The following MYO16 variants were observed in gnomAD, a reference collection of about 807,000 sequenced individuals.
The protein encoded by MYO16 is myosin XVI, also known as unconventional myosin-XVI.
MYO16 carries 94 observed loss-of-function variants against 205.3 expected under a neutral mutation model. The observed-to-expected ratio is 0.46, with a 90% CI of 0.39 to 0.54. The LOEUF is 0.54. Ranked by LOEUF, MYO16 falls within the 20% of genes least tolerant of loss-of-function variation. The pLI is 0.00. For synonymous variants in MYO16, 988 were observed against 954.0 expected (o/e 1.04, Z -0.66); for missense variants, 2,315 against 2,387.5 (o/e 0.97, Z 0.63).
chr13:108,508,708 G>C, the MYO16 span, among the ~76,000 whole-genome samples: 1 of 152,152 alleles, frequency 6.6e-6, no homozygotes, highest in Admixed American at 6.6e-5. Context: ...GGTAGAGGGA[G>C]GGACGGTAGA....
the MYO16 span, among the ~76,000 whole-genome samples, chr13:108,517,374 A>G: frequency 2.0e-5 from 3 of 152,204 alleles, no homozygotes; most frequent in East Asian, 5.8e-4. Flanking sequence ...TGGTTCTAAA[A>G]ATCCTGACAG....
Position 108,844,452 on chromosome 13 carries a change from C to A in MYO16, c.1207C>A (p.Pro403Thr). ...TAAGCAGCAGTCTCAGGACAGCATC[C>A]CTGAAAACCCCATGATGAGCGGTTC... ...LCKQQSQDSI[P>T]ENPMMSGSTK... is the part of the protein sequence containing the mutation. The change falls in exon 10 of 35, where the codon CCT becomes ACT. Residue 403 changes from proline to threonine, a missense_variant. This residue lies in a region of MYO16 where 1,213 missense variants were observed against 1,274.4 expected (regional missense o/e 0.95). Transcript: ENST00000457511. The A allele has an allele frequency of 6.2e-7, 1 of 1,611,556 alleles. No homozygotes were observed. The highest frequency in any genetic ancestry group is 8.5e-7 in the Non-Finnish European group (1 of 1,178,164).
intron 22 of MYO16, among the ~76,000 whole-genome samples, chr13:109,013,925 A>G (rs1885709217): frequency 6.6e-6 from 1 of 151,952 alleles, no homozygotes; most frequent in Non-Finnish European, 1.5e-5. Flanking sequence ...TTATCTGTTC[A>G]CTCTGACGGT....
chr13:108,501,539 T>C, the MYO16 span, among the ~76,000 whole-genome samples: 1 of 152,196 alleles, frequency 6.6e-6, no homozygotes, highest in South Asian at 2.1e-4. Context: ...AGATCCAGAC[T>C]TGCAAAAAGG....
intron 4 of MYO16, among the ~76,000 whole-genome samples, chr13:108,741,746 A>T (rs975272707): frequency 3.3e-5 from 5 of 152,202 alleles, no homozygotes; most frequent in Non-Finnish European, 5.9e-5. Flanking sequence ...AAACAAAACT[A>T]TTGACACTTT....
chr13:108,638,361 A>G (rs563527362), intron 1 of MYO16, among the ~76,000 whole-genome samples: 1 of 152,336 alleles, frequency 6.6e-6, no homozygotes, highest in Admixed American at 6.5e-5. Context: ...TTACTTACTC[A>G]AGCTAATAGC....
intron 19 of MYO16, among the ~76,000 whole-genome samples, chr13:108,962,919 G>A (rs1883643765): frequency 6.6e-6 from 1 of 152,214 alleles, no homozygotes; most frequent in Admixed American, 6.5e-5. Flanking sequence ...AAATTGTAGT[G>A]TTTGAATTCT....
intron 9 of MYO16, among the ~76,000 whole-genome samples, chr13:108,827,693 G>T (rs981252108): frequency 2.6e-5 from 4 of 152,064 alleles, no homozygotes; most frequent in Non-Finnish European, 4.4e-5. Context: ...ATACTTGACT[G>T]CTCTTCACTC....
At chr13:108,597,030 T>C (rs533803456) in intron 1 of MYO16, among the ~76,000 whole-genome samples, 1 of 152,340 alleles carries the variant, frequency 6.6e-6, no homozygotes, top group South Asian at 2.1e-4. Context: ...TAGATGAATG[T>C]ACTAAATTAT....
chr13:108,795,509 G>A (rs1234061078), intron 6 of MYO16, among the ~76,000 whole-genome samples: 4 of 152,180 alleles, frequency 2.6e-5, no homozygotes, highest in Non-Finnish European at 5.9e-5. Flanking sequence ...CGCCTGGCCA[G>A]CTTCTAAAAT....
At chr13:108,618,432 A>G (rs779993580) in intron 1 of MYO16, among the ~76,000 whole-genome samples, 6 of 152,206 alleles carry the variant, frequency 3.9e-5, no homozygotes, top group Non-Finnish European at 7.3e-5. Flanking sequence ...GAACATTTGC[A>G]TTGCAGATGA....
intron 32 of MYO16, among the ~76,000 whole-genome samples, chr13:109,154,911 G>GAAAAAAAAAAAAAAAAAAA (rs59465499): frequency 3.2e-5 from 2 of 62,684 alleles, no homozygotes; most frequent in Non-Finnish European, 3.0e-5. Context: ...GGCTAATTAT[G>GAAAAAAAAAAAAAAAAAAA]AAAAAAAAAA....
At chr13:109,203,570 A>C (rs2139976894) in intron 34 of MYO16, among the ~76,000 whole-genome samples, 1 of 152,076 alleles carries the variant, frequency 6.6e-6, no homozygotes, top group Non-Finnish European at 1.5e-5. Context: ...TTCTCTCCTA[A>C]TCCTCAGGCT....
chr13:108,553,494 C>G, the MYO16 span, among the ~76,000 whole-genome samples: 15 of 152,258 alleles, frequency 9.9e-5, no homozygotes, highest in East Asian at 2.5e-3. Context: ...TTTATTTTGT[C>G]TACATCTGTC....
chr13:108,785,845 G>T (rs1436269541), intron 5 of MYO16, 102 bp downstream of exon 5: 2 of 708,162 alleles, frequency 2.8e-6, no homozygotes, highest in Non-Finnish European at 4.7e-6. Context: ...GATGGATGTA[G>T]TTTCCGCACG....
At chr13:109,137,270 C>T (rs2139798177) in intron 31 of MYO16, among the ~76,000 whole-genome samples, 2 of 152,284 alleles carry the variant, frequency 1.3e-5, no homozygotes, top group African/African-American at 4.8e-5. Context: ...GTCATTGTCC[C>T]AGCCCTAGAA....
At chr13:108,679,858 C>T (rs550369411) in intron 2 of MYO16, among the ~76,000 whole-genome samples, 1 of 152,142 alleles carries the variant, frequency 6.6e-6, no homozygotes, top group East Asian at 1.9e-4. Flanking sequence ...AACCAGACTT[C>T]ACCCTTCCCA....
chr13:108,927,918 C>A (rs990032956), intron 16 of MYO16, among the ~76,000 whole-genome samples: 1 of 152,252 alleles, frequency 6.6e-6, no homozygotes, highest in Non-Finnish European at 1.5e-5. Context: ...TAGGCTGCAC[C>A]ATCTCGCGCC....
intron 4 of MYO16, among the ~76,000 whole-genome samples, chr13:108,758,818 TA>T (rs1446750682): frequency 6.6e-6 from 1 of 152,230 alleles, no homozygotes; most frequent in East Asian, 1.9e-4. Context: ...AATATCAGAA[TA>T]TTACATTTTG....
Sources: gnomAD v4.1 joint callset for allele counts (sites outside exome capture counted in the v4.1 genomes callset) on GRCh38, gnomAD v4.1.1 for gene constraint, gnomAD v4.1.1 regional missense constraint, MANE v1.5 for transcripts, NCBI Gene and HGNC (gene_info 2026-07-23, HGNC 2026-07-21) for gene names.